Variants in RYR3 observed in about 807,000 individuals in gnomAD.
RYR3 encodes brain ryanodine receptor-calcium release channel.
Under a neutral mutation model 584.3 loss-of-function variants are expected in RYR3, and 207 were observed. The ratio of observed to expected loss-of-function variants is 0.35; its 90% confidence interval spans 0.32 to 0.40. RYR3 has a LOEUF of 0.40. RYR3 is among the 10% of genes least tolerant of loss of function. The pLI is 1.00. For missense variants in RYR3, 5,616 were observed against 6,089.2 expected (o/e 0.92, Z 2.59); for synonymous variants, 2,416 against 2,248.5 (o/e 1.07, Z -2.11).
intron 43 of RYR3, among the ~76,000 whole-genome samples, chr15:33,721,387 C>T (rs1394208764): frequency 6.6e-6 from 1 of 152,182 alleles, no homozygotes; most frequent in African/African-American, 2.4e-5. Context: ...CTTCAAAATC[C>T]CTGACCGATA....
chr15:33,826,296 C>G lies in RYR3; in HGVS notation c.11164+27C>G, dbSNP rs1813320752. 1.2e-6 allele frequency: 2 copies of G among 1,611,554 alleles called. 1 individual carries two copies. The highest frequency in any genetic ancestry group is 3.3e-5 in the Admixed American group (2 of 60,018). Reference sequence around the variant, plus strand: ...TAAGTTTCAGTTTCTGGCCTGAGTTCCTACCGTGTGTGAATCCTAGGAGAT... The same window carrying G: ...TAAGTTTCAGTTTCTGGCCTGAGTTGCTACCGTGTGTGAATCCTAGGAGAT... On this transcript the variant is annotated intron_variant, in intron 83 of 103. Transcript: ENST00000634891.
At chr15:33,517,358 C>T (rs1356857673) in intron 3 of RYR3, among the ~76,000 whole-genome samples, 1 of 152,182 alleles carries the variant, frequency 6.6e-6, no homozygotes, top group Non-Finnish European at 1.5e-5. Context: ...AAAGAAGCTT[C>T]AGTATGGGGC....
chr15:33,800,711 T>A, intron 67 of RYR3, 59 bp from the exon 68 acceptor site: 2 of 1,191,986 alleles, frequency 1.7e-6, no homozygotes, highest in Non-Finnish European at 2.5e-6. Context: ...ATTTTTAGAG[T>A]GTGAATATTT....
chr15:33,641,445 ATC>A (rs1036861229), intron 27 of RYR3, among the ~76,000 whole-genome samples: 18 of 152,188 alleles, frequency 1.2e-4, no homozygotes, highest in Admixed American at 5.2e-4. Flanking sequence ...GTTCCCCCTT[ATC>A]TGTCTTTCAT....
intron 100 of RYR3, 47 bp downstream of exon 100, chr15:33,859,778 C>G: frequency 3.9e-6 from 6 of 1,541,560 alleles, no homozygotes; most frequent in Middle Eastern, 1.9e-4. Flanking sequence ...TAATCTAGTT[C>G]TTTTTGCTTT....
At chr15:33,580,395 A>G (rs1179614099) in intron 13 of RYR3, among the ~76,000 whole-genome samples, 1 of 152,120 alleles carries the variant, frequency 6.6e-6, no homozygotes, top group Non-Finnish European at 1.5e-5. Flanking sequence ...TCAAATATAC[A>G]TTTTCAGTAA....
chr15:33,616,444 G>A (rs1459184458), intron 19 of RYR3, among the ~76,000 whole-genome samples: 1 of 152,204 alleles, frequency 6.6e-6, no homozygotes, highest in African/African-American at 2.4e-5. Context: ...TTGACTGAAA[G>A]GTATCCACAT....
intron 1 of RYR3, among the ~76,000 whole-genome samples, chr15:33,361,093 T>C (rs1187951042): frequency 6.6e-6 from 1 of 152,196 alleles, no homozygotes; most frequent in Non-Finnish European, 1.5e-5. Flanking sequence ...TCAGCCTGCA[T>C]ACAGCTGGGG....
intron 1 of RYR3, among the ~76,000 whole-genome samples, chr15:33,319,065 G>C (rs140560336): frequency 0.035 from 5,367 of 152,260 alleles, 122 homozygotes; most frequent in Non-Finnish European, 0.054. Flanking sequence ...CATTGCACCC[G>C]ACCAGTGACA....
intron 1 of RYR3, among the ~76,000 whole-genome samples, chr15:33,450,350 G>C (rs1176050300): frequency 3.9e-5 from 6 of 152,106 alleles, no homozygotes; most frequent in Non-Finnish European, 8.8e-5. Context: ...GGATTTCTAA[G>C]GCTAGAAGGC....
At chr15:33,807,526 T>G (rs1416018850) in intron 69 of RYR3, 29 bp from the exon 70 acceptor site, 4 of 1,551,216 alleles carry the variant, frequency 2.6e-6, no homozygotes, top group Non-Finnish European at 3.5e-6. Flanking sequence ...CTCTTCTCCT[T>G]GTTTCTTTTC....
Position 33,666,356 on chromosome 15 carries a change from C to T in RYR3, c.5619+2619C>T, listed in dbSNP as rs573387835. Among the ~76,000 whole-genome samples the T allele has an allele frequency of 2.6e-3, 402 of 152,228 alleles. 2 individuals are homozygous for T. Among genetic ancestry groups the T allele is most frequent in the Non-Finnish European group, 4.4e-3 (298 of 68,004 alleles). ...GTCTAGGGTGAGGCCTAAGCTTTTG[C>T]ATTTTTAGCAAGTTTTCAGGTAATG... On this transcript the variant is annotated intron_variant, in intron 36 of 103. Transcript: ENST00000634891.
At chr15:33,692,852 T>G (rs1422647916) in intron 38 of RYR3, among the ~76,000 whole-genome samples, 1 of 152,200 alleles carries the variant, frequency 6.6e-6, no homozygotes, top group Admixed American at 6.5e-5. Flanking sequence ...TGAGTCAGTG[T>G]GAGGCTAAGA....
intron 24 of RYR3, 48 bp downstream of exon 24, chr15:33,633,156 C>A (rs1053060298): frequency 5.6e-6 from 9 of 1,593,524 alleles, no homozygotes; most frequent in South Asian, 2.3e-5. Flanking sequence ...AAGATATGAT[C>A]ATCCACGTGC....
At chr15:33,791,598 C>T (rs935313631) in intron 67 of RYR3, among the ~76,000 whole-genome samples, 1 of 152,008 alleles carries the variant, frequency 6.6e-6, no homozygotes, top group African/African-American at 2.4e-5. Context: ...GGTGATTACC[C>T]GGTAGCATTA....
chr15:33,473,452 A>C lies in RYR3; in HGVS notation c.85A>C (p.Ile29Leu), dbSNP rs1008629390. 1.2e-6 allele frequency: 2 copies of C among 1,613,766 alleles called. No individual in the cohort carries two copies. ...DEVVLQCIAT[I>L]HKEQRKFCLA... Reference sequence around the variant, plus strand: ...AGTGGTACTCCAGTGCATCGCCACCATTCATAAGGAGCAGAGGAAGTTCTG... The same window carrying C: ...AGTGGTACTCCAGTGCATCGCCACCCTTCATAAGGAGCAGAGGAAGTTCTG... The change falls in exon 2 of 104, where the codon ATT (isoleucine) becomes CTT (leucine). Residue 29 changes from isoleucine (I) to leucine (L), a missense_variant. Around this residue, in one of 9 missense-constraint regions of RYR3, gnomAD observed 1,284 missense variants for 1,344.6 expected, o/e 0.95. Coordinates refer to ENST00000634891, the MANE Select transcript of RYR3 (RefSeq NM_001036.6).
At chr15:33,650,154 G>A (rs561876305) in intron 31 of RYR3, among the ~76,000 whole-genome samples, 4 of 152,106 alleles carry the variant, frequency 2.6e-5, no homozygotes, top group Admixed American at 6.5e-5. Flanking sequence ...CAAGGCGGGC[G>A]GATGACGAGT....
rs997307290 is a variant in RYR3, at chr15:33,534,870, A to G, written c.433+1481A>G. Among the ~76,000 whole-genome samples the G allele has an allele frequency of 3.3e-5, 5 of 152,216 alleles. No individual in the cohort carries two copies. The South Asian group carries it at 8.3e-4, about 25-fold the overall frequency. On this transcript the variant is annotated intron_variant, in intron 5 of 103. Transcript: ENST00000634891. ...AACAATCTGACCATCCGTCAAGGGC[A>G]TTACATGTGGAATTTCTGCTCCATT...
At chr15:33,779,495 T>C (rs1227034952) in intron 64 of RYR3, among the ~76,000 whole-genome samples, 1 of 152,164 alleles carries the variant, frequency 6.6e-6, no homozygotes, top group Non-Finnish European at 1.5e-5. Context: ...TTGTGTCTCA[T>C]TGGTGCTTTG....
Sources: allele counts gnomAD v4.1 joint callset (sites outside exome capture counted in the v4.1 genomes callset), GRCh38; gene constraint gnomAD v4.1.1; regional missense constraint gnomAD v4.1.1; transcripts MANE v1.5; gene names NCBI Gene and HGNC (gene_info 2026-07-23, HGNC 2026-07-21).